The following RALGAPA2 variants were observed in gnomAD, a reference collection of about 807,000 sequenced individuals.
RALGAPA2 encodes the protein ral GTPase-activating protein subunit alpha-2.
RALGAPA2 carries 139 observed loss-of-function variants against 230.4 expected under a neutral mutation model. The ratio of observed to expected loss-of-function variants is 0.60; its 90% CI spans 0.53 to 0.69. The LOEUF is 0.69. RALGAPA2 is among the 30% of genes least tolerant of loss of function. The pLI is 0.00. For synonymous variants in RALGAPA2, 847 were observed against 837.8 expected, an observed-to-expected ratio of 1.01 and a Z score of -0.19; for missense variants, 2,163 against 2,276.0, an observed-to-expected ratio of 0.95 and a Z score of 1.01.
intron 7 of RALGAPA2, 25 bp downstream of exon 7, chr20:20,639,758 CTG>C (rs1463346372): frequency 6.9e-7 from 1 of 1,458,180 alleles, no homozygotes; most frequent in Non-Finnish European, 9.6e-7. Context: ...AAACCCATCA[CTG>C]AAATAGTCAT....
intron 4 of RALGAPA2, among the ~76,000 whole-genome samples, chr20:20,643,847 T>G (rs2067121094): frequency 1.3e-5 from 2 of 152,188 alleles, no homozygotes; most frequent in Admixed American, 6.5e-5. Context: ...ATGGATGCTT[T>G]TTTTTTTAAT....
intron 37 of RALGAPA2, among the ~76,000 whole-genome samples, chr20:20,467,260 C>T (rs2061438873): frequency 1.3e-5 from 2 of 152,096 alleles, no homozygotes; most frequent in Non-Finnish European, 2.9e-5. Flanking sequence ...CTCTAATCTC[C>T]GAAAATAGTA....
At chr20:20,601,041 A>C (rs2065629308) in intron 16 of RALGAPA2, among the ~76,000 whole-genome samples, 1 of 152,192 alleles carries the variant, frequency 6.6e-6, no homozygotes. Flanking sequence ...CAGAGGTTGC[A>C]GTGAGCTGAG....
chr20:20,421,575 CAGG>C (rs1166997258), intron 37 of RALGAPA2, among the ~76,000 whole-genome samples: 1 of 152,158 alleles, frequency 6.6e-6, no homozygotes, highest in African/African-American at 2.4e-5. Context: ...GAGGCTGAGG[CAGG>C]AGAATTGCTT....
chr20:20,444,498 A>C (rs2060815690), intron 37 of RALGAPA2, among the ~76,000 whole-genome samples: 1 of 152,108 alleles, frequency 6.6e-6, no homozygotes, highest in Non-Finnish European at 1.5e-5. Context: ...TATAAAGCTC[A>C]ATGAATTTTC....
chr20:20,400,606 GA>G (rs1407455834), intron 38 of RALGAPA2, among the ~76,000 whole-genome samples: 2 of 152,134 alleles, frequency 1.3e-5, no homozygotes, highest in Non-Finnish European at 2.9e-5. Flanking sequence ...CCATCATAAA[GA>G]AATGTTTCCA....
At chr20:20,394,343 TC>T (rs2059660812) in intron 39 of RALGAPA2, among the ~76,000 whole-genome samples, 3 of 152,088 alleles carry the variant, frequency 2.0e-5, no homozygotes, top group Non-Finnish European at 4.4e-5. Flanking sequence ...CTAGGCTCAG[TC>T]AGGTCGGGCA....
At chr20:20,644,395 A>C (rs2067141884) in intron 4 of RALGAPA2, among the ~76,000 whole-genome samples, 1 of 152,170 alleles carries the variant, frequency 6.6e-6, no homozygotes, top group Non-Finnish European at 1.5e-5. Flanking sequence ...CCACCAATGA[A>C]TTTCATAGAG....
intron 1 of RALGAPA2, among the ~76,000 whole-genome samples, chr20:20,684,390 C>A (rs1329304099): frequency 6.6e-6 from 1 of 152,174 alleles, no homozygotes; most frequent in Non-Finnish European, 1.5e-5. Flanking sequence ...CTCAGACACT[C>A]AAGTATCAGC....
intron 20 of RALGAPA2, among the ~76,000 whole-genome samples, chr20:20,581,637 G>A (rs1312942543): frequency 6.6e-6 from 1 of 152,056 alleles, no homozygotes; most frequent in Non-Finnish European, 1.5e-5. Flanking sequence ...AAAATTCTTT[G>A]TAAATGTTGA....
intron 16 of RALGAPA2, among the ~76,000 whole-genome samples, chr20:20,597,838 C>CA (rs2065506856): frequency 6.6e-6 from 1 of 151,828 alleles, no homozygotes; most frequent in Non-Finnish European, 1.5e-5. Flanking sequence ...GATTCTGTCT[C>CA]AAAAAAATCA....
At chr20:20,496,783 G>A (rs1191409765) in intron 35 of RALGAPA2, among the ~76,000 whole-genome samples, 1 of 152,162 alleles carries the variant, frequency 6.6e-6, no homozygotes, top group Non-Finnish European at 1.5e-5. Context: ...CCTCTTTTCT[G>A]TTTATAAGGT....
chr20:20,495,096 A>G (rs1462281759), intron 36 of RALGAPA2, 21 bp downstream of exon 36: 1 of 1,583,410 alleles, frequency 6.3e-7, no homozygotes, highest in South Asian at 1.1e-5. Flanking sequence ...GAGTCAGTAC[A>G]ACAATGCAAT....
intron 38 of RALGAPA2, among the ~76,000 whole-genome samples, chr20:20,406,065 C>T (rs2180670): frequency 0.6 from 91,360 of 152,100 alleles, 27,435 homozygotes; most frequent in Admixed American, 0.63. Context: ...ATATATGTAA[C>T]CACAAGTCGG....
chr20:20,470,981 C>T (rs1479032400), intron 37 of RALGAPA2: 1 of 152,018 alleles, frequency 6.6e-6, no homozygotes, highest in Non-Finnish European at 1.5e-5. Context: ...AAATTTTCTC[C>T]AGGTACAAGA....
intron 37 of RALGAPA2, among the ~76,000 whole-genome samples, chr20:20,443,839 G>C (rs1221125117): frequency 6.6e-6 from 1 of 152,244 alleles, no homozygotes; most frequent in Non-Finnish European, 1.5e-5. Flanking sequence ...TCCCCTCTCA[G>C]ATCTGGAAGA....
In RALGAPA2 at chr20:20,499,365, A is replaced by T. The variant is rs114898195; in HGVS notation, c.5208+3986T>A. Among the ~76,000 whole-genome samples, 1,355 of 152,210 alleles carry T rather than the reference A, an allele frequency of 8.9e-3. 21 individuals carry two copies. The highest frequency in any genetic ancestry group is 0.031 in the African/African-American group (1,298 of 41,578). ...TCCTACTTTACTTAAGAAATAATTTAAAAAATATTTTATATATAAATTTTA... is the reference window on the plus strand; with the variant it reads ...TCCTACTTTACTTAAGAAATAATTTTAAAAATATTTTATATATAAATTTTA... On this transcript the variant is annotated intron_variant, in intron 35 of 39. Coordinates refer to ENST00000202677, the MANE Select transcript of RALGAPA2 (RefSeq NM_020343.4).
chr20:20,470,973 A>T (rs2061527337), intron 37 of RALGAPA2: 1 of 152,178 alleles, frequency 6.6e-6, no homozygotes, highest in East Asian at 1.9e-4. Context: ...TACCAATTAA[A>T]TTTTCTCCAG....
At chr20:20,687,096 T>A (rs2068731516) in intron 1 of RALGAPA2, among the ~76,000 whole-genome samples, 1 of 152,168 alleles carries the variant, frequency 6.6e-6, no homozygotes, top group Non-Finnish European at 1.5e-5. Context: ...ATTCCCTGGA[T>A]AATGGCACTG....
Sources: gnomAD v4.1 joint callset for allele counts (sites outside exome capture counted in the v4.1 genomes callset) on GRCh38, gnomAD v4.1.1 for gene constraint, MANE v1.5 for transcripts, NCBI Gene and HGNC (gene_info 2026-07-23, HGNC 2026-07-21) for gene names.